IL34: variants seen among roughly 807,000 people sequenced by gnomAD.
The protein encoded by IL34 is interleukin 34.
A neutral mutation model predicts 25.3 loss-of-function variants in IL34; 17 were observed. The observed-to-expected ratio is 0.67, with a 90% confidence interval of 0.46 to 1.01. The LOEUF is 1.01. Ranked by LOEUF, IL34 falls within the 50% of genes least tolerant of loss-of-function variation. IL34 has a pLI of 0.00. For synonymous variants in IL34, 174 were observed against 140.9 expected (o/e 1.23, Z -1.66); for missense variants, 368 against 312.9 (o/e 1.18, Z -1.33).
intron 1 of IL34, among the ~76,000 whole-genome samples, chr16:70,626,056 G>A (rs2051387090): frequency 6.6e-6 from 1 of 152,224 alleles, no homozygotes. Context: ...CAGGCTTTGT[G>A]TGACCAACAT....
At chr16:70,608,470 C>T (rs1251090819) in intron 1 of IL34, among the ~76,000 whole-genome samples, 1 of 152,164 alleles carries the variant, frequency 6.6e-6, no homozygotes, top group Non-Finnish European at 1.5e-5. Context: ...CCTGAAATTG[C>T]ATATGGGATT....
At chr16:70,599,292 TCTTC>T (rs2050873145) in intron 1 of IL34, among the ~76,000 whole-genome samples, 1 of 72,598 alleles carries the variant, frequency 1.4e-5, no homozygotes, top group Non-Finnish European at 2.8e-5. Context: ...TTTCTTTCTT[TCTTC>T]TTTCTTTCCT....
chr16:70,604,162 T>G (rs1408164935), intron 1 of IL34, among the ~76,000 whole-genome samples: 2 of 152,188 alleles, frequency 1.3e-5, no homozygotes, highest in South Asian at 2.1e-4. Flanking sequence ...TGAACCAGAA[T>G]AGCAAAGCCT....
At chr16:70,596,858 A>C (rs2050830702) in intron 1 of IL34, among the ~76,000 whole-genome samples, 1 of 151,910 alleles carries the variant, frequency 6.6e-6, no homozygotes, top group Admixed American at 6.6e-5. Context: ...AAGTGCTGGG[A>C]TTACAGGCAT....
intron 1 of IL34, among the ~76,000 whole-genome samples, chr16:70,591,460 T>G (rs577507722): frequency 2.6e-5 from 4 of 151,556 alleles, no homozygotes; most frequent in African/African-American, 9.7e-5. Context: ...TCCCAGCTAC[T>G]CAGGAGGCTG....
At chr16:70,644,780 GGAGGAA>G (rs1300939133), upstream of IL34, among the ~76,000 whole-genome samples, 224 of 143,174 alleles carry the variant, frequency 1.6e-3, 7 homozygotes, top group African/African-American at 5.3e-3. Context: ...GAGGGAGGAG[GGAGGAA>G]AAGGAGGAGG....
intron 1 of IL34, among the ~76,000 whole-genome samples, chr16:70,591,178 C>T (rs1365709656): frequency 6.6e-6 from 1 of 152,222 alleles, no homozygotes; most frequent in Non-Finnish European, 1.5e-5. Flanking sequence ...AGCTGTTGAG[C>T]TGATTTTGCC....
intron 1 of IL34, among the ~76,000 whole-genome samples, chr16:70,622,679 A>G (rs543519449): frequency 4.1e-4 from 63 of 152,184 alleles, no homozygotes; most frequent in Non-Finnish European, 6.3e-4. Context: ...GTGGGGGGCC[A>G]GATTGAAGTC....
At chr16:70,651,525 G>A (rs1416099538) in intron 1 of IL34, among the ~76,000 whole-genome samples, 1 of 152,192 alleles carries the variant, frequency 6.6e-6, no homozygotes, top group Non-Finnish European at 1.5e-5. Context: ...TCTGAGCTGA[G>A]CAAGGGCACT....
chr16:70,650,921 T>C lies in IL34; in HGVS notation c.29-3617T>C, dbSNP rs184969480. Among the ~76,000 whole-genome samples the C allele has an allele frequency of 6.6e-5, 10 of 152,336 alleles. No homozygotes were observed. In the East Asian group the frequency reaches 1.9e-3, roughly 29 times the overall value. On this transcript the variant is annotated intron_variant, in intron 1 of 5. Coordinates refer to ENST00000288098, the MANE Select transcript of IL34 (RefSeq NM_001393494.1). The stretch of plus-strand genomic sequence containing the variant: ...CACGCTGGGCTGTGCAGTGTTTAAC[T>C]GCGTTATGGATTCACACACAGGCTC...
At chr16:70,636,940 C>T (rs907988804) in intron 1 of IL34, among the ~76,000 whole-genome samples, 8 of 151,716 alleles carry the variant, frequency 5.3e-5, no homozygotes, top group African/African-American at 9.7e-5. Context: ...AGTACAGTGG[C>T]GTAATCTCGG....
chr16:70,627,371 C>T (rs933761071), intron 1 of IL34, among the ~76,000 whole-genome samples: 12 of 151,950 alleles, frequency 7.9e-5, no homozygotes, highest in African/African-American at 2.9e-4. Context: ...GTAGAAGCCC[C>T]CCACCAGATC....
chr16:70,615,966 G>A (rs763189250), intron 1 of IL34, among the ~76,000 whole-genome samples: 6 of 152,052 alleles, frequency 3.9e-5, no homozygotes, highest in Admixed American at 1.3e-4. Flanking sequence ...AAAAAAATCC[G>A]TCCCCCCTCA....
At chr16:70,620,509 G>A (rs1034016731) in intron 1 of IL34, among the ~76,000 whole-genome samples, 5 of 152,084 alleles carry the variant, frequency 3.3e-5, no homozygotes, top group Admixed American at 6.6e-5. Flanking sequence ...TCAGCCTGGC[G>A]AGGAGGGGAG....
At chr16:70,659,779 C>G in intron 5 of IL34, 26 bp downstream of exon 5, 2 of 1,580,222 alleles carry the variant, frequency 1.3e-6, no homozygotes, top group Non-Finnish European at 1.7e-6. Context: ...GGGATGGCGC[C>G]TGGGGGTGGG....
At chr16:70,582,799 A>G (rs982593736) in intron 1 of IL34, among the ~76,000 whole-genome samples, 1 of 152,222 alleles carries the variant, frequency 6.6e-6, no homozygotes, top group African/African-American at 2.4e-5. Flanking sequence ...CTGTTGACAC[A>G]GGCACACTGC....
At chr16:70,615,229 C>G (rs1297805223) in intron 1 of IL34, among the ~76,000 whole-genome samples, 1 of 152,180 alleles carries the variant, frequency 6.6e-6, no homozygotes, top group Non-Finnish European at 1.5e-5. Context: ...GATACACTGG[C>G]CAGGTGTGGT....
rs565835862 is a variant in IL34 at position 70,589,215 on chromosome 16, TAAGAA to T, written c.-401+9174_-401+9178del. Among the ~76,000 whole-genome samples, 61 of 151,866 alleles carry T rather than the reference TAAGAA, an allele frequency of 4.0e-4. 1 individual carries two copies. In the East Asian group the frequency reaches 0.011, roughly 28 times the overall value. ...CTGTCACACACACAAAAAATAATAA[TAAGAA>T]AAGAAAAAAATGGTTAAAATGGTTA... On this transcript the variant is annotated intron_variant, in intron 1 of 6. Transcript: ENST00000429149.
At chr16:70,584,029 C>T (rs1194148993) in intron 1 of IL34, among the ~76,000 whole-genome samples, 1 of 152,200 alleles carries the variant, frequency 6.6e-6, no homozygotes, top group Non-Finnish European at 1.5e-5. Context: ...CTCCCCTTCC[C>T]CTGCCCCCAA....
Sources: allele counts gnomAD v4.1 joint callset (sites outside exome capture counted in the v4.1 genomes callset), GRCh38; gene constraint gnomAD v4.1.1; transcripts MANE v1.5; gene names NCBI Gene and HGNC (gene_info 2026-07-23, HGNC 2026-07-21).